The following FREM2 variants were observed in gnomAD, a reference collection of about 807,000 sequenced individuals.
FREM2 encodes FRAS1-related extracellular matrix protein 2.
FREM2 carries 119 observed loss-of-function variants against 219.9 expected under a neutral mutation model. That is an observed-to-expected ratio of 0.54 (90% CI 0.47 to 0.63). The LOEUF is 0.63. Ranked by LOEUF, FREM2 falls within the 30% of genes least tolerant of loss-of-function variation. The probability of loss-of-function intolerance (pLI) is 0.00; values close to 1 mark genes in which losing one functional copy is unlikely to be tolerated. For synonymous variants in FREM2, 1,562 were observed against 1,522.8 expected (o/e 1.03, Z -0.60); for missense variants, 4,030 against 3,993.6 (o/e 1.01, Z -0.25).
intron 6 of FREM2, among the ~76,000 whole-genome samples, chr13:38,817,008 A>C: frequency 6.6e-6 from 1 of 152,254 alleles, no homozygotes; most frequent in East Asian, 1.9e-4. Flanking sequence ...AATTTAGTCA[A>C]GGAGGTGAAA....
Position 38,687,232 on chromosome 13 carries a change from C to T in FREM2, c.-113C>T, listed in dbSNP as rs1463722083. The T allele has an allele frequency of 5.5e-6, 8 of 1,450,114 alleles. No individual in the cohort carries two copies. Among genetic ancestry groups the T allele is most frequent in the Non-Finnish European group, 7.5e-6 (8 of 1,060,060 alleles). 89.8% of individuals were successfully genotyped at this position (1,450,114 alleles called of 1,614,324 possible). A position where few individuals can be genotyped will look rare whatever the true frequency, so the allele number is the denominator to read the frequency against. ...CCCAGCCCCGGCTACAGGAGGACCC[C>T]GCGGGCAACGCGCGGAGTTCCTGGC... On this transcript the variant is annotated 5_prime_UTR_variant, in exon 1 of 24. Coordinates refer to ENST00000280481, the MANE Select transcript of FREM2 (RefSeq NM_207361.6).
chr13:38,750,796 C>T (rs769115602), intron 2 of FREM2, among the ~76,000 whole-genome samples: 49 of 152,120 alleles, frequency 3.2e-4, no homozygotes, highest in African/African-American at 9.2e-4. Context: ...GGGGTTCAAG[C>T]GGTTCTCCTG....
intron 2 of FREM2, among the ~76,000 whole-genome samples, chr13:38,738,315 C>T (rs984376816): frequency 1.3e-5 from 2 of 152,020 alleles, no homozygotes; most frequent in Non-Finnish European, 2.9e-5. Context: ...CCTGTAATCT[C>T]AGTACTTTGG....
chr13:38,880,852 A>G lies in FREM2; in HGVS notation c.*65A>G. 1 of 1,560,286 alleles carries G rather than the reference A, an allele frequency of 6.4e-7. No homozygotes were observed. Among genetic ancestry groups the G allele is most frequent in the Non-Finnish European group, 8.8e-7 (1 of 1,134,368 alleles). On this transcript the variant is annotated 3_prime_UTR_variant, in exon 24 of 24. Coordinates refer to ENST00000280481, the MANE Select transcript of FREM2 (RefSeq NM_207361.6). Reference sequence around the variant, plus strand: ...GGAAAAGATCACAATGGAACCTTAAATACTTCTGGTAAACCATAGAGAATG... The same window carrying G: ...GGAAAAGATCACAATGGAACCTTAAGTACTTCTGGTAAACCATAGAGAATG...
intron 2 of FREM2, among the ~76,000 whole-genome samples, chr13:38,753,688 T>C (rs1402118604): frequency 6.6e-6 from 1 of 152,230 alleles, no homozygotes; most frequent in African/African-American, 2.4e-5. Context: ...ATGTTGTAAA[T>C]GAGAGTTCAT....
chr13:38,763,464 C>CTTTTTTTTTTTTTTTTTTTTTTTT (rs1163604743), intron 2 of FREM2, among the ~76,000 whole-genome samples: 1 of 102,364 alleles, frequency 9.8e-6, no homozygotes, highest in Non-Finnish European at 1.8e-5. Context: ...GTTACTTGGG[C>CTTTTTTTTTTTTTTTTTTTTTTTT]TTTTTTTTTT....
chr13:38,880,816 G>T lies in FREM2; in HGVS notation c.*29G>T, dbSNP rs371533109. The stretch of plus-strand genomic sequence containing the variant: ...CTGCAGGTAGAATTCAACCTTTTCC[G>T]TAAGTGCCTCGGAAAAGATCACAAT... On this transcript the variant is annotated 3_prime_UTR_variant, in exon 24 of 24. Transcript: ENST00000280481. The T allele has an allele frequency of 1.9e-6, 3 of 1,613,006 alleles. No individual in the cohort carries two copies. Among genetic ancestry groups the T allele is most frequent in the Admixed American group, 1.7e-5 (1 of 59,992 alleles).
At chr13:38,803,611 C>G (rs1187812972) in intron 6 of FREM2, among the ~76,000 whole-genome samples, 2 of 151,702 alleles carry the variant, frequency 1.3e-5, no homozygotes, top group Non-Finnish European at 2.9e-5. Context: ...CAATATTTCA[C>G]TAATCTTTAC....
At chr13:38,834,004 A>G (rs984165676) in intron 6 of FREM2, among the ~76,000 whole-genome samples, 2 of 152,146 alleles carry the variant, frequency 1.3e-5, no homozygotes, top group Admixed American at 1.3e-4. Flanking sequence ...GCTACCAAAA[A>G]GAAATGGCAA....
rs141029842 is a variant in FREM2 at position 38,728,639 on chromosome 13, T to A, written c.5263+30852T>A. Among the ~76,000 whole-genome samples the A allele has an allele frequency of 9.4e-4, 143 of 152,158 alleles. 1 individual carries two copies. The East Asian group carries it at 0.026, about 28-fold the overall frequency. On this transcript the variant is annotated intron_variant, in intron 2 of 23. Coordinates refer to ENST00000280481, the MANE Select transcript of FREM2 (RefSeq NM_207361.6). ...TGTTGCATAGCCTGGTCTGGAACTA[T>A]GGGCTCAAGTGATCTGCCCATCTTG...
chr13:38,711,812 G>A (rs1870779190), intron 2 of FREM2, among the ~76,000 whole-genome samples: 1 of 151,592 alleles, frequency 6.6e-6, no homozygotes, highest in African/African-American at 2.4e-5. Context: ...GATTAAAAAT[G>A]TGGTCAACAC....
At chr13:38,773,415 G>A (rs1460092569) in intron 4 of FREM2, among the ~76,000 whole-genome samples, 1 of 151,716 alleles carries the variant, frequency 6.6e-6, no homozygotes, top group Non-Finnish European at 1.5e-5. Flanking sequence ...TTTCGAGACG[G>A]TATCTCACTC....
At chr13:38,860,896 ACT>A (rs1438856731) in intron 14 of FREM2, among the ~76,000 whole-genome samples, 1 of 151,714 alleles carries the variant, frequency 6.6e-6, no homozygotes, top group African/African-American at 2.4e-5. Context: ...TATAGAGAAA[ACT>A]CTACTGTACA....
At chr13:38,879,480 G>A (rs535502381) in intron 23 of FREM2, among the ~76,000 whole-genome samples, 13 of 152,258 alleles carry the variant, frequency 8.5e-5, no homozygotes, top group African/African-American at 1.2e-4. Flanking sequence ...GGGATCAAAG[G>A]TGGAGGGAAA....
intron 16 of FREM2, among the ~76,000 whole-genome samples, chr13:38,866,741 T>C (rs1297275303): frequency 6.6e-6 from 1 of 152,180 alleles, no homozygotes; most frequent in Non-Finnish European, 1.5e-5. Context: ...AGTCTGTTTT[T>C]ACCCTTAAGA....
intron 11 of FREM2, among the ~76,000 whole-genome samples, chr13:38,852,113 T>G (rs1047705755): frequency 4.6e-5 from 7 of 152,136 alleles, no homozygotes; most frequent in Non-Finnish European, 8.8e-5. Flanking sequence ...TTAAATAATT[T>G]CTCAATACCC....
intron 2 of FREM2, among the ~76,000 whole-genome samples, chr13:38,751,788 T>C (rs1764238267): frequency 6.6e-6 from 1 of 152,100 alleles, no homozygotes; most frequent in South Asian, 2.1e-4. Context: ...AATAAAACTG[T>C]ACATTGTCTA....
At chr13:38,874,433 G>T in intron 17 of FREM2, 49 bp from the exon 18 acceptor site, 4 of 1,407,568 alleles carry the variant, frequency 2.8e-6, no homozygotes, top group Non-Finnish European at 3.0e-6. Context: ...TGTACATAAG[G>T]GGTCTCTGGC....
chr13:38,767,976 A>G (rs960274760), intron 3 of FREM2, among the ~76,000 whole-genome samples: 3 of 152,200 alleles, frequency 2.0e-5, no homozygotes, highest in African/African-American at 7.2e-5. Flanking sequence ...ATATTCCTAT[A>G]TATAAATACA....
Sources: allele counts gnomAD v4.1 joint callset (sites outside exome capture counted in the v4.1 genomes callset), GRCh38; gene constraint gnomAD v4.1.1; transcripts MANE v1.5; gene names NCBI Gene and HGNC (gene_info 2026-07-23, HGNC 2026-07-21).